Variants in BMPR1B observed in about 807,000 individuals in gnomAD.
BMPR1B encodes the protein bone morphogenetic protein receptor type-1B.
In BMPR1B, 12 loss-of-function variants were observed where a neutral mutation model predicts 59.1. That is an observed-to-expected ratio of 0.20 (90% CI 0.13 to 0.33). BMPR1B has a LOEUF of 0.33. Among genes scored for constraint, BMPR1B ranks in the 10% least tolerant of loss-of-function variants. The pLI, the probability that BMPR1B is intolerant of heterozygous loss-of-function variation, is 1.00. For missense variants in BMPR1B, 550 were observed against 610.9 expected, an observed-to-expected ratio of 0.90 and a Z score of 1.05; for synonymous variants, 237 against 207.3, an observed-to-expected ratio of 1.14 and a Z score of -1.23.
intron 1 of BMPR1B, among the ~76,000 whole-genome samples, chr4:94,803,880 T>G (rs1391407125): frequency 2.0e-5 from 3 of 152,094 alleles, no homozygotes; most frequent in Non-Finnish European, 2.9e-5. Context: ...TTATTTTATT[T>G]ATTTATTTAT....
chr4:94,806,747 G>A (rs984178372), intron 1 of BMPR1B, among the ~76,000 whole-genome samples: 14 of 152,072 alleles, frequency 9.2e-5, no homozygotes, highest in African/African-American at 1.4e-4. Flanking sequence ...CAGATAAATA[G>A]CAAATCATTT....
intron 1 of BMPR1B, among the ~76,000 whole-genome samples, chr4:94,826,248 T>C (rs2110662500): frequency 6.6e-6 from 1 of 152,340 alleles, no homozygotes; most frequent in South Asian, 2.1e-4. Context: ...CTGTGGTCTT[T>C]CGGTAGAGTT....
chr4:94,849,751 A>G (rs1050229142), intron 1 of BMPR1B, among the ~76,000 whole-genome samples: 2 of 151,048 alleles, frequency 1.3e-5, no homozygotes, highest in Non-Finnish European at 2.9e-5. Flanking sequence ...GCAGGTTGGT[A>G]ATTAGATGTG....
At chr4:95,030,693 T>G (rs1401178527) in intron 3 of BMPR1B, among the ~76,000 whole-genome samples, 1 of 152,062 alleles carries the variant, frequency 6.6e-6, no homozygotes, top group Non-Finnish European at 1.5e-5. Context: ...AAAATCAATG[T>G]ACAAAAATCA....
At chr4:94,927,161 C>G (rs1325778109) in intron 2 of BMPR1B, among the ~76,000 whole-genome samples, 2 of 152,070 alleles carry the variant, frequency 1.3e-5, no homozygotes, top group Non-Finnish European at 1.5e-5. Context: ...TTTGTTCATT[C>G]CTTGCGAGTC....
At chr4:94,807,639 G>A (rs1441565807) in intron 1 of BMPR1B, among the ~76,000 whole-genome samples, 1 of 152,252 alleles carries the variant, frequency 6.6e-6, no homozygotes, top group South Asian at 2.1e-4. Context: ...ATTCAGTCTA[G>A]GTCCAGCAAT....
chr4:94,950,515 C>G lies in BMPR1B; in HGVS notation c.-112-45525C>G, dbSNP rs543067362. Among the ~76,000 whole-genome samples, 115 of 152,210 alleles carry G rather than the reference C, an allele frequency of 7.6e-4. 1 individual carries two copies. In the South Asian group the frequency reaches 0.011, roughly 15 times the overall value. On this transcript the variant is annotated intron_variant, in intron 2 of 12. Coordinates refer to ENST00000515059, the MANE Select transcript of BMPR1B (RefSeq NM_001203.3). The stretch of plus-strand genomic sequence containing the variant: ...TTTCAGTTTTCTGCAGATGGCTAGC[C>G]AGTTTTCCCAACACCATTTATTAAA...
At chr4:94,761,252 A>C (rs1004753950) in intron 1 of BMPR1B, among the ~76,000 whole-genome samples, 4 of 152,236 alleles carry the variant, frequency 2.6e-5, no homozygotes, top group Non-Finnish European at 4.4e-5. Context: ...TTTCTGATGC[A>C]TGTAAGCATG....
intron 2 of BMPR1B, among the ~76,000 whole-genome samples, chr4:94,879,112 T>C (rs1323571744): frequency 6.6e-6 from 1 of 152,196 alleles, no homozygotes; most frequent in Admixed American, 6.5e-5. Context: ...TAACTCGTCA[T>C]TTAGCATTAG....
intron 1 of BMPR1B, among the ~76,000 whole-genome samples, chr4:94,790,023 C>T (rs913283269): frequency 6.6e-5 from 10 of 152,208 alleles, no homozygotes; most frequent in East Asian, 3.9e-4. Context: ...CTCTTCCTTA[C>T]GATTTTCTTA....
rs1299703826 is a variant in BMPR1B at position 94,783,362 on chromosome 4, A to G, written c.-183+25294A>G. On this transcript the variant is annotated intron_variant, in intron 1 of 12. Coordinates refer to ENST00000515059, the MANE Select transcript of BMPR1B (RefSeq NM_001203.3). ...AACTATCTGGCTTATAATATAGTTT[A>G]TGTCTCTCATGGATCTACTAGCTTC... 3.3e-5 allele frequency among the ~76,000 whole-genome samples: 5 copies of G among 152,184 alleles called. No homozygotes were observed. The South Asian group carries it at 1.0e-3, about 32-fold the overall frequency.
chr4:94,786,995 G>A (rs533776653), intron 1 of BMPR1B, among the ~76,000 whole-genome samples: 1 of 152,182 alleles, frequency 6.6e-6, no homozygotes, highest in South Asian at 2.1e-4. Context: ...GGCCGTAAAC[G>A]TAACCACTTT....
intron 1 of BMPR1B, among the ~76,000 whole-genome samples, chr4:94,815,020 C>G (rs1247458326): frequency 6.6e-6 from 1 of 152,098 alleles, no homozygotes; most frequent in Non-Finnish European, 1.5e-5. Context: ...TCTCCTACCT[C>G]AGGCTTCTGA....
At chr4:94,821,120 G>T (rs1032429531) in intron 1 of BMPR1B, among the ~76,000 whole-genome samples, 1 of 152,146 alleles carries the variant, frequency 6.6e-6, no homozygotes, top group Non-Finnish European at 1.5e-5. Flanking sequence ...TCTTTAATAT[G>T]CTTTAAAGCT....
At chr4:94,952,622 A>T (rs959329477) in intron 2 of BMPR1B, among the ~76,000 whole-genome samples, 1 of 152,114 alleles carries the variant, frequency 6.6e-6, no homozygotes, top group African/African-American at 2.4e-5. Context: ...GTGGTCTGAG[A>T]GACTGTTTGT....
chr4:95,005,119 G>C (rs1376335847), intron 3 of BMPR1B, among the ~76,000 whole-genome samples: 2 of 151,962 alleles, frequency 1.3e-5, no homozygotes, highest in African/African-American at 4.8e-5. Context: ...CTGGTTTTGT[G>C]GTCAGTTTGA....
At chr4:95,059,324 G>T (rs1727165348) in intron 3 of BMPR1B, among the ~76,000 whole-genome samples, 1 of 152,152 alleles carries the variant, frequency 6.6e-6, no homozygotes, top group South Asian at 2.1e-4. Context: ...ATATATATGT[G>T]TGTGTGTGTT....
At chr4:94,839,781 G>T (rs1393542042) in intron 1 of BMPR1B, among the ~76,000 whole-genome samples, 2 of 142,802 alleles carry the variant, frequency 1.4e-5, no homozygotes, top group Non-Finnish European at 3.1e-5. Context: ...ATATTGTGAT[G>T]TGTGAATTTG....
rs1021700559 is a variant in BMPR1B at position 95,063,378 on chromosome 4, G to GT, written c.-17-41023dup. Reference sequence around the variant, plus strand: ...ATATAAAAATACTTATGGTTTTACAGTTTTTTTAGCTATAGTGATTAAAAT... The same window carrying GT: ...ATATAAAAATACTTATGGTTTTACAGTTTTTTTTAGCTATAGTGATTAAAAT... On this transcript the variant is annotated intron_variant, in intron 3 of 12. Coordinates refer to ENST00000515059, the MANE Select transcript of BMPR1B (RefSeq NM_001203.3). Among the ~76,000 whole-genome samples, 36 of 152,198 alleles carry GT rather than the reference G, an allele frequency of 2.4e-4. No individual in the cohort carries two copies. In the East Asian group the frequency reaches 3.3e-3, roughly 14 times the overall value.
Sources: gnomAD v4.1 joint callset for allele counts (sites outside exome capture counted in the v4.1 genomes callset) on GRCh38, gnomAD v4.1.1 for gene constraint, MANE v1.5 for transcripts, NCBI Gene and HGNC (gene_info 2026-07-23, HGNC 2026-07-21) for gene names.